Variants in LRBA observed in about 807,000 individuals in gnomAD.
LRBA encodes the protein LPS responsive beige-like anchor protein.
In LRBA, 176 loss-of-function variants were observed where a neutral mutation model predicts 330.0. The ratio of observed to expected loss-of-function variants is 0.53; its 90% CI spans 0.47 to 0.60. The LOEUF (loss-of-function observed/expected upper bound fraction) is 0.60. Ranked by LOEUF, LRBA falls within the 20% of genes least tolerant of loss-of-function variation. The pLI is 0.00. For missense variants in LRBA, 3,259 were observed against 3,444.8 expected, an observed-to-expected ratio of 0.95 and a Z score of 1.35; for synonymous variants, 1,230 against 1,193.0, an observed-to-expected ratio of 1.03 and a Z score of -0.64.
intron 13 of LRBA, among the ~76,000 whole-genome samples, chr4:150,901,676 C>T (rs1730742904): frequency 1.3e-5 from 2 of 152,208 alleles, no homozygotes; most frequent in African/African-American, 2.4e-5. Flanking sequence ...ATTAGAGTGT[C>T]AGTGAATAAA....
In LRBA at chr4:150,310,676, A is replaced by G. The variant is rs80256015; in HGVS notation, c.7694-292T>C. 4,984 of 249,382 alleles carry G rather than the reference A, an allele frequency of 0.02. 252 individuals carry two copies. The highest frequency in any genetic ancestry group is 0.1 in the African/African-American group (4,645 of 44,668). The allele number at this position is 249,382 out of a possible 1,614,324, so 15.4% of individuals were successfully genotyped here. ...CTTTCTAGCTCTTGGGCAGAACCAA[A>G]CTAGATTACAATCTCCAGATTGCAT... On this transcript the variant is annotated intron_variant, in intron 51 of 56. Coordinates refer to ENST00000651943, the MANE Select transcript of LRBA (RefSeq NM_001364905.1).
intron 4 of LRBA, among the ~76,000 whole-genome samples, chr4:150,926,402 C>T (rs1733889755): frequency 6.6e-6 from 1 of 152,040 alleles, no homozygotes; most frequent in Non-Finnish European, 1.5e-5. Context: ...CTAGCCGTAG[C>T]GTAACAGCCA....
At chr4:150,735,798 T>C (rs1452694396) in intron 35 of LRBA, among the ~76,000 whole-genome samples, 3 of 151,974 alleles carry the variant, frequency 2.0e-5, no homozygotes, top group Non-Finnish European at 4.4e-5. Flanking sequence ...CTCACAAAGA[T>C]AAATAGAAAA....
chr4:150,505,981 CAT>C (rs1761017785), intron 40 of LRBA, among the ~76,000 whole-genome samples: 1 of 152,154 alleles, frequency 6.6e-6, no homozygotes, highest in African/African-American at 2.4e-5. Context: ...ATCTAGAAGA[CAT>C]GGATAAATTC....
intron 40 of LRBA, among the ~76,000 whole-genome samples, chr4:150,538,935 T>G (rs904760703): frequency 1.3e-5 from 2 of 151,984 alleles, no homozygotes; most frequent in African/African-American, 4.8e-5. Context: ...AACCTGCACA[T>G]GTAGCCTCTG....
At chr4:150,408,063 C>T (rs188132708) in intron 47 of LRBA, among the ~76,000 whole-genome samples, 88 of 151,714 alleles carry the variant, frequency 5.8e-4, no homozygotes, top group Admixed American at 2.0e-3. Flanking sequence ...GAAAACTCAA[C>T]GAAAGAGAAC....
chr4:150,799,987 C>T (rs967959121), intron 33 of LRBA, among the ~76,000 whole-genome samples: 1 of 152,146 alleles, frequency 6.6e-6, no homozygotes, highest in Middle Eastern at 3.2e-3. Flanking sequence ...TCAGGTGATT[C>T]GCCAACCTTG....
rs147422039 is a variant in LRBA at position 150,673,423 on chromosome 4, T to C, written c.5921+10128A>G. On this transcript the variant is annotated intron_variant, in intron 37 of 56. Coordinates refer to ENST00000651943, the MANE Select transcript of LRBA (RefSeq NM_001364905.1). The stretch of plus-strand genomic sequence containing the variant: ...TCTCAGTTATCCACAGATAGAGGAA[T>C]AAAACATAAGGAAAACTCATAACAG... 8.2e-3 allele frequency among the ~76,000 whole-genome samples: 1,254 copies of C among 152,294 alleles called. 11 individuals carry two copies. Among genetic ancestry groups the C allele is most frequent in the African/African-American group, 0.029 (1,188 of 41,576 alleles).
intron 2 of LRBA, among the ~76,000 whole-genome samples, chr4:151,003,422 TA>T (rs1176759561): frequency 2.1e-5 from 3 of 141,414 alleles, no homozygotes; most frequent in Non-Finnish European, 4.6e-5. Flanking sequence ...AACAAAATCC[TA>T]AAACTCATAT....
chr4:150,899,294 G>A (rs143310059), intron 14 of LRBA, among the ~76,000 whole-genome samples: 204 of 152,250 alleles, frequency 1.3e-3, no homozygotes, highest in African/African-American at 4.4e-3. Flanking sequence ...AAAGGGGACC[G>A]GCTGCTTGCT....
chr4:150,971,590 A>C (rs1414248066), intron 2 of LRBA, among the ~76,000 whole-genome samples: 1 of 152,226 alleles, frequency 6.6e-6, no homozygotes, highest in African/African-American at 2.4e-5. Flanking sequence ...TCTTAATAAA[A>C]TCTATAGTGA....
chr4:150,582,010 C>CGGGGGAGAGAAGCA (rs1771428067), intron 40 of LRBA: 2 of 13,372 alleles, frequency 1.5e-4, no homozygotes, highest in Non-Finnish European at 2.8e-4. Context: ...GGAAGGGGGG[C>CGGGGGAGAGAAGCA]GGGGGAGAGA....
intron 47 of LRBA, among the ~76,000 whole-genome samples, chr4:150,398,595 C>G (rs190256265): frequency 6.6e-6 from 1 of 151,606 alleles, no homozygotes; most frequent in Non-Finnish European, 1.5e-5. Flanking sequence ...TATCTTACAC[C>G]TAAACATTTT....
intron 40 of LRBA, among the ~76,000 whole-genome samples, chr4:150,495,959 C>G (rs1372289013): frequency 6.6e-6 from 1 of 151,990 alleles, no homozygotes; most frequent in African/African-American, 2.4e-5. Context: ...ATTAAGCTTT[C>G]AATTGTTTTA....
At chr4:150,773,385 G>T (rs1736841712) in intron 34 of LRBA, among the ~76,000 whole-genome samples, 1 of 152,200 alleles carries the variant, frequency 6.6e-6, no homozygotes, top group Non-Finnish European at 1.5e-5. Context: ...AAAGGCATTT[G>T]TCACGTCTAT....
intron 48 of LRBA, among the ~76,000 whole-genome samples, chr4:150,331,617 AT>A (rs557786920): frequency 3.3e-5 from 5 of 152,002 alleles, no homozygotes; most frequent in Admixed American, 6.6e-5. Context: ...TAAACAATTT[AT>A]TTTTTTTAAC....
chr4:150,559,022 G>A (rs1215872157), intron 40 of LRBA, among the ~76,000 whole-genome samples: 1 of 152,134 alleles, frequency 6.6e-6, no homozygotes, highest in African/African-American at 2.4e-5. Flanking sequence ...GACATCCTGT[G>A]CCTCTGTAAG....
chr4:150,913,094 A>G (rs1016969054), intron 9 of LRBA, among the ~76,000 whole-genome samples: 2 of 152,200 alleles, frequency 1.3e-5, no homozygotes, highest in Middle Eastern at 3.2e-3. Flanking sequence ...GATACTTGGT[A>G]TAATTTCAAT....
At chr4:150,543,332 T>C (rs954364658) in intron 40 of LRBA, among the ~76,000 whole-genome samples, 1 of 152,202 alleles carries the variant, frequency 6.6e-6, no homozygotes, top group African/African-American at 2.4e-5. Context: ...AGGAATAACA[T>C]TTCACACTTA....
Sources: gnomAD v4.1 joint callset for allele counts (sites outside exome capture counted in the v4.1 genomes callset) on GRCh38, gnomAD v4.1.1 for gene constraint, MANE v1.5 for transcripts, NCBI Gene and HGNC (gene_info 2026-07-23, HGNC 2026-07-21) for gene names.